AUTS2: variants seen among roughly 807,000 people sequenced by gnomAD.
AUTS2 encodes the protein activator of transcription and developmental regulator AUTS2.
In AUTS2, 17 loss-of-function variants were observed where a neutral mutation model predicts 112.4. The observed-to-expected ratio is 0.15, with a 90% CI of 0.10 to 0.23. The LOEUF is 0.23. AUTS2 is among the 10% of genes least tolerant of loss of function. The pLI is 1.00. For synonymous variants in AUTS2, 751 were observed against 702.7 expected, an observed-to-expected ratio of 1.07 and a Z score of -1.09; for missense variants, 1,510 against 1,701.6, an observed-to-expected ratio of 0.89 and a Z score of 1.98.
intron 4 of AUTS2, among the ~76,000 whole-genome samples, chr7:70,266,839 A>AT (rs1182942998): frequency 3.9e-5 from 6 of 151,996 alleles, no homozygotes; most frequent in Admixed American, 6.6e-5. Context: ...AATGTTTGGT[A>AT]TTTTTTTTCC....
chr7:69,693,051 C>T (rs759775851), intron 1 of AUTS2, among the ~76,000 whole-genome samples: 1 of 152,170 alleles, frequency 6.6e-6, no homozygotes, highest in Non-Finnish European at 1.5e-5. Flanking sequence ...GAAACTGTGG[C>T]ACCTTGAACA....
chr7:69,667,701 A>G (rs1027484023), intron 1 of AUTS2, among the ~76,000 whole-genome samples: 3 of 152,112 alleles, frequency 2.0e-5, no homozygotes, highest in African/African-American at 7.2e-5. Flanking sequence ...AGTTTGGAAT[A>G]TACTTCATTT....
At chr7:70,763,684 C>T (rs1789721457) in intron 7 of AUTS2, among the ~76,000 whole-genome samples, 1 of 152,112 alleles carries the variant, frequency 6.6e-6, no homozygotes. Flanking sequence ...ATATCAGAGG[C>T]CATGCAGTGT....
intron 4 of AUTS2, among the ~76,000 whole-genome samples, chr7:70,383,983 G>C (rs1254699622): frequency 1.3e-5 from 2 of 152,248 alleles, no homozygotes; most frequent in African/African-American, 2.4e-5. Flanking sequence ...CCAGCCACTT[G>C]CATTAATGAT....
intron 1 of AUTS2, among the ~76,000 whole-genome samples, chr7:69,602,018 G>GTATATATATATATATA (rs765066810): frequency 2.8e-3 from 64 of 22,940 alleles, no homozygotes; most frequent in Non-Finnish European, 3.2e-3. Context: ...ATATGTGTGT[G>GTATATATATATATATA]TGTATATATA....
At chr7:70,051,135 C>T (rs563237867) in intron 2 of AUTS2, among the ~76,000 whole-genome samples, 1 of 152,274 alleles carries the variant, frequency 6.6e-6, no homozygotes, top group African/African-American at 2.4e-5. Flanking sequence ...GAATTTTTAC[C>T]TCTTGCTTAG....
Position 70,167,906 on chromosome 7 carries a change from A to G in AUTS2, c.660+33335A>G, listed in dbSNP as rs1378140409. The stretch of plus-strand genomic sequence containing the variant: ...TAAAAAATATACAGAAGTACAGTCT[A>G]GACTGCACATGTGTATATAATTGAT... On this transcript the variant is annotated intron_variant, in intron 4 of 18. Coordinates refer to ENST00000342771, the MANE Select transcript of AUTS2 (RefSeq NM_015570.4). Among the ~76,000 whole-genome samples, 5 of 152,348 alleles carry G rather than the reference A, an allele frequency of 3.3e-5. No homozygotes were observed. In the East Asian group the frequency reaches 9.6e-4, roughly 29 times the overall value.
At chr7:70,070,693 C>T (rs975783836) in intron 2 of AUTS2, among the ~76,000 whole-genome samples, 13 of 151,850 alleles carry the variant, frequency 8.6e-5, no homozygotes, top group African/African-American at 2.4e-4. Flanking sequence ...GGTGAAACCC[C>T]GTCTCTACTA....
intron 5 of AUTS2, among the ~76,000 whole-genome samples, chr7:70,614,962 A>G (rs1048138476): frequency 6.6e-6 from 1 of 152,178 alleles, no homozygotes; most frequent in East Asian, 1.9e-4. Context: ...TGCCTTCCAG[A>G]CTGGACACTG....
intron 4 of AUTS2, among the ~76,000 whole-genome samples, chr7:70,246,965 A>T (rs544428924): frequency 1.5e-4 from 22 of 151,600 alleles, no homozygotes; most frequent in African/African-American, 5.3e-4. Flanking sequence ...TTTTGGTCCT[A>T]TTATAAATGG....
chr7:70,385,094 A>G (rs1210184738), intron 4 of AUTS2, among the ~76,000 whole-genome samples: 1 of 152,182 alleles, frequency 6.6e-6, no homozygotes, highest in Non-Finnish European at 1.5e-5. Context: ...CTTACAACAC[A>G]CTTGCTCCAT....
At chr7:69,734,492 G>A (rs1786941630) in intron 1 of AUTS2, among the ~76,000 whole-genome samples, 1 of 150,946 alleles carries the variant, frequency 6.6e-6, no homozygotes, top group African/African-American at 2.4e-5. Flanking sequence ...GGATTGAGGG[G>A]GATGAGGAAG....
intron 1 of AUTS2, among the ~76,000 whole-genome samples, chr7:69,820,282 T>G (rs1366258703): frequency 1.3e-5 from 2 of 152,226 alleles, no homozygotes; most frequent in Admixed American, 6.5e-5. Flanking sequence ...AAAATAATTA[T>G]GAGTTCCAGA....
intron 1 of AUTS2, among the ~76,000 whole-genome samples, chr7:69,697,494 CAG>C (rs2129184605): frequency 6.6e-6 from 1 of 152,280 alleles, no homozygotes; most frequent in Admixed American, 6.5e-5. Context: ...GTGGTGATGT[CAG>C]GGGTAGGCTT....
chr7:70,303,558 G>T (rs1272173180), intron 4 of AUTS2, among the ~76,000 whole-genome samples: 1 of 151,750 alleles, frequency 6.6e-6, no homozygotes, highest in Non-Finnish European at 1.5e-5. Context: ...CTCTTGTTTG[G>T]CTTGCTAGCA....
chr7:70,715,504 CTTTTT>C (rs869217868), intron 6 of AUTS2, among the ~76,000 whole-genome samples: 1 of 134,844 alleles, frequency 7.4e-6, no homozygotes, highest in African/African-American at 2.8e-5. Context: ...TCCTGCCTGT[CTTTTT>C]TTCTTTTCTT....
intron 6 of AUTS2, among the ~76,000 whole-genome samples, chr7:70,701,471 C>T (rs1809455281): frequency 6.6e-6 from 1 of 152,190 alleles, no homozygotes; most frequent in South Asian, 2.1e-4. Context: ...GGGGTTGAAA[C>T]AGAGTGGATA....
intron 2 of AUTS2, among the ~76,000 whole-genome samples, chr7:70,004,486 CT>C (rs1799450360): frequency 6.8e-6 from 1 of 146,506 alleles, no homozygotes; most frequent in Admixed American, 6.9e-5. Flanking sequence ...AGGCAAGTTG[CT>C]TGCTCATTAA....
intron 4 of AUTS2, among the ~76,000 whole-genome samples, chr7:70,210,648 G>T (rs535727326): frequency 3.9e-5 from 6 of 152,098 alleles, no homozygotes; most frequent in African/African-American, 1.4e-4. Flanking sequence ...TTTTTCTTTT[G>T]TGTGTGTATG....
Sources: allele counts gnomAD v4.1 joint callset (sites outside exome capture counted in the v4.1 genomes callset), GRCh38; gene constraint gnomAD v4.1.1; transcripts MANE v1.5; gene names NCBI Gene and HGNC (gene_info 2026-07-23, HGNC 2026-07-21).